The following FRAS1 variants were observed in gnomAD, a reference collection of about 807,000 sequenced individuals.
FRAS1 encodes the protein Fraser extracellular matrix complex subunit 1.
FRAS1 carries 290 observed loss-of-function variants against 435.2 expected under a neutral mutation model. The ratio of observed to expected loss-of-function variants is 0.67; its 90% CI spans 0.61 to 0.73. FRAS1 has a LOEUF of 0.73. FRAS1 is among the 30% of genes least tolerant of loss of function. The pLI, the probability that FRAS1 is intolerant of heterozygous loss-of-function variation, is 0.00. For missense variants in FRAS1, 4,860 were observed against 5,001.5 expected (o/e 0.97, Z 0.85); for synonymous variants, 1,800 against 1,851.0 (o/e 0.97, Z 0.71).
rs75818707 is a variant in FRAS1, at chr4:78,174,776, T to A, written c.109-62734T>A. Among the ~76,000 whole-genome samples the A allele has an allele frequency of 9.6e-3, 1,459 of 152,314 alleles. 14 individuals are homozygous for A. Among genetic ancestry groups the A allele is most frequent in the Middle Eastern group, 0.041 (12 of 294 alleles). ...ATGGGAAGCTGAATTAGGTCAGAAGTCTTAGGCAACAGAACACAGTCTAAA... is the reference window on the plus strand; with the variant it reads ...ATGGGAAGCTGAATTAGGTCAGAAGACTTAGGCAACAGAACACAGTCTAAA... On this transcript the variant is annotated intron_variant, in intron 2 of 73. Transcript: ENST00000512123.
chr4:78,096,903 C>T (rs768821150), intron 2 of FRAS1, among the ~76,000 whole-genome samples: 6 of 152,248 alleles, frequency 3.9e-5, no homozygotes, highest in Non-Finnish European at 7.3e-5. Flanking sequence ...CAAATTTCTG[C>T]AGCTGGCTTG....
chr4:78,114,869 G>T (rs1166221778), intron 2 of FRAS1, among the ~76,000 whole-genome samples: 1 of 152,188 alleles, frequency 6.6e-6, no homozygotes, highest in African/African-American at 2.4e-5. Flanking sequence ...ACACTATGTT[G>T]AATAGGAGTG....
At chr4:78,400,525 A>G (rs1732842189) in intron 29 of FRAS1, among the ~76,000 whole-genome samples, 1 of 152,250 alleles carries the variant, frequency 6.6e-6, no homozygotes, top group African/African-American at 2.4e-5. Context: ...AAACTAAAAG[A>G]AAAAGCAGGA....
Position 78,422,007 on chromosome 4 carries a change from C to A in FRAS1, c.4678+7C>A. 6.2e-7 allele frequency: 1 copy of A among 1,606,912 alleles called. No individual in the cohort carries two copies. The highest frequency in any genetic ancestry group is 8.5e-7 in the Non-Finnish European group (1 of 1,176,120). On this transcript the variant is annotated splice_region_variant and intron_variant, in intron 34 of 73. Coordinates refer to ENST00000512123, the MANE Select transcript of FRAS1 (RefSeq NM_025074.7). ...ATGGCCTTCTCGTTCGCTGGTAATG[C>A]TCTCCTCTCTGCTTTGAGGCACCCA...
At chr4:78,430,205 C>T (rs1734156986) in intron 36 of FRAS1, 87 bp from the exon 37 acceptor site, 4 of 1,529,946 alleles carry the variant, frequency 2.6e-6, no homozygotes, top group Non-Finnish European at 3.6e-6. Flanking sequence ...CAGCATGACT[C>T]CTAGCCTGGC....
At chr4:78,538,275 C>T (rs1311434575) in intron 72 of FRAS1, among the ~76,000 whole-genome samples, 2 of 151,990 alleles carry the variant, frequency 1.3e-5, no homozygotes, top group Non-Finnish European at 2.9e-5. Context: ...AATTTTTAAC[C>T]GAGTAAATGT....
chr4:78,475,348 A>G, intron 53 of FRAS1, 90 bp from the exon 54 acceptor site: 1 of 1,442,138 alleles, frequency 6.9e-7, no homozygotes, highest in Non-Finnish European at 9.6e-7. Flanking sequence ...CCTAATGCCA[A>G]GAACCAAATG....
chr4:78,539,886 A>G (rs1560432368), intron 73 of FRAS1, among the ~76,000 whole-genome samples: 1 of 152,236 alleles, frequency 6.6e-6, no homozygotes, highest in African/African-American at 2.4e-5. Flanking sequence ...AACTTTCAAG[A>G]TGAAATTTCA....
rs1313156461 is a variant in FRAS1, at chr4:78,398,773, A to C, written c.3976-1961A>C. Among the ~76,000 whole-genome samples, 3 of 152,192 alleles carry C rather than the reference A, an allele frequency of 2.0e-5. No homozygotes were observed. In the East Asian group the frequency reaches 5.8e-4, roughly 29 times the overall value. ...GCCGAGGCAGGCAGATCACAAGGTC[A>C]GGAGTTCGAGACCAGCCTGGCCAAC... On this transcript the variant is annotated intron_variant, in intron 29 of 73. Transcript: ENST00000512123.
In FRAS1 at chr4:78,189,056, G is replaced by C. The variant is rs77003612; in HGVS notation, c.109-48454G>C. Among the ~76,000 whole-genome samples, 94 of 152,300 alleles carry C rather than the reference G, an allele frequency of 6.2e-4. 2 individuals carry two copies. Among genetic ancestry groups the C allele is most frequent in the South Asian group, 1.9e-3 (9 of 4,826 alleles). On this transcript the variant is annotated intron_variant, in intron 2 of 73. Transcript: ENST00000512123. ...AGGTGAGACCCAGACTAAGGCAAAA[G>C]GTTTGCTCATGTTAAAGGATACAGT...
chr4:78,268,145 G>A (rs1354746960), intron 9 of FRAS1, among the ~76,000 whole-genome samples: 2 of 151,886 alleles, frequency 1.3e-5, no homozygotes, highest in East Asian at 1.9e-4. Context: ...GCTCCCTTCC[G>A]CCCCACCAAT....
intron 41 of FRAS1, among the ~76,000 whole-genome samples, chr4:78,441,747 ATT>A (rs1734667739): frequency 6.6e-6 from 1 of 152,126 alleles, no homozygotes; most frequent in Admixed American, 6.5e-5. Flanking sequence ...CTGTCCTTTT[ATT>A]GTGAGGCAGC....
chr4:78,315,391 A>G (rs1349956264), intron 15 of FRAS1, among the ~76,000 whole-genome samples: 1 of 152,168 alleles, frequency 6.6e-6, no homozygotes, highest in Non-Finnish European at 1.5e-5. Flanking sequence ...TTCAATGAGT[A>G]ATTCTTCAAT....
rs142257108 is a variant in FRAS1, at chr4:78,516,435, G to A, written c.10389+422G>A. On this transcript the variant is annotated intron_variant, in intron 66 of 73. Coordinates refer to ENST00000512123, the MANE Select transcript of FRAS1 (RefSeq NM_025074.7). ...TCTTTCAGAAGATAAGAAGAGCTCTGTTGTCCTATGCATTGTGGAAAGATA... is the reference window on the plus strand; with the variant it reads ...TCTTTCAGAAGATAAGAAGAGCTCTATTGTCCTATGCATTGTGGAAAGATA... 1.1e-3 allele frequency among the ~76,000 whole-genome samples: 172 copies of A among 152,322 alleles called. 1 individual carries two copies. The Middle Eastern group carries it at 0.024, about 21-fold the overall frequency.
intron 14 of FRAS1, among the ~76,000 whole-genome samples, chr4:78,298,026 CTCTCTA>C (rs1215534131): frequency 0.098 from 11,082 of 112,804 alleles, 447 homozygotes; most frequent in East Asian, 0.21. Flanking sequence ...CTCTCTCTCT[CTCTCTA>C]TATATATATA....
chr4:78,113,814 CAGA>C (rs1161878050), intron 2 of FRAS1, among the ~76,000 whole-genome samples: 1 of 152,186 alleles, frequency 6.6e-6, no homozygotes, highest in African/African-American at 2.4e-5. Context: ...TTTTGCTGTG[CAGA>C]AGTTCTTTAG....
chr4:78,435,624 A>G (rs1734390583), intron 38 of FRAS1, among the ~76,000 whole-genome samples: 1 of 152,100 alleles, frequency 6.6e-6, no homozygotes, highest in South Asian at 2.1e-4. Flanking sequence ...CTATAATCCC[A>G]GTACTCAGGA....
chr4:78,220,590 T>C (rs1724011385), intron 2 of FRAS1, among the ~76,000 whole-genome samples: 1 of 152,224 alleles, frequency 6.6e-6, no homozygotes, highest in African/African-American at 2.4e-5. Context: ...TTTTCTGTAT[T>C]GTGGAAAAGG....
rs145319553 is a variant in FRAS1 at position 78,080,186 on chromosome 4, G to C, written c.108+14170G>C. Among the ~76,000 whole-genome samples, 95 of 152,226 alleles carry C rather than the reference G, an allele frequency of 6.2e-4. No homozygotes were observed. The East Asian group carries it at 0.012, about 20-fold the overall frequency. Reference sequence around the variant, plus strand: ...AACAGGAACTAACAATAAAAGGCCTGTGAAAAGCCAAAATGGATACCACTG... The same window carrying C: ...AACAGGAACTAACAATAAAAGGCCTCTGAAAAGCCAAAATGGATACCACTG... On this transcript the variant is annotated intron_variant, in intron 2 of 73. Coordinates refer to ENST00000512123, the MANE Select transcript of FRAS1 (RefSeq NM_025074.7).
Sources: allele counts gnomAD v4.1 joint callset (sites outside exome capture counted in the v4.1 genomes callset), GRCh38; gene constraint gnomAD v4.1.1; transcripts MANE v1.5; gene names NCBI Gene and HGNC (gene_info 2026-07-23, HGNC 2026-07-21).